LMNB2: variants seen among roughly 807,000 people sequenced by gnomAD.
LMNB2 encodes the protein lamin B2.
Under a neutral mutation model 69.3 loss-of-function variants are expected in LMNB2, and 17 were observed. That is an observed-to-expected ratio of 0.25 (90% CI 0.17 to 0.37). The LOEUF is 0.37. Ranked by LOEUF, LMNB2 falls within the 10% of genes least tolerant of loss-of-function variation. The pLI is 1.00. For missense variants in LMNB2, 789 were observed against 883.6 expected (o/e 0.89, Z 1.36); for synonymous variants, 397 against 389.3 (o/e 1.02, Z -0.23).
At chr19:2,452,707 CAG>C (rs2145474053) in intron 1 of LMNB2, among the ~76,000 whole-genome samples, 2 of 152,244 alleles carry the variant, frequency 1.3e-5, no homozygotes, top group South Asian at 4.1e-4. Context: ...GCCTGGGCGA[CAG>C]AGTGAGACTC....
Position 2,453,227 on chromosome 19 carries a change from C to A in LMNB2, c.264+3443G>T, listed in dbSNP as rs1345878310. Among the ~76,000 whole-genome samples, 1 of 152,128 alleles carries A rather than the reference C, an allele frequency of 6.6e-6. No homozygotes were observed. Among genetic ancestry groups the A allele is most frequent in the African/African-American group, 2.4e-5 (1 of 41,414 alleles). On this transcript the variant is annotated intron_variant, in intron 1 of 11. Coordinates refer to ENST00000325327, the MANE Select transcript of LMNB2 (RefSeq NM_032737.4). The surrounding 1 kb of genome is among the most constrained non-coding windows in gnomAD (Gnocchi z 4.4). ...GGCATGCCCAGCCTTGGCCAAGAGT[C>A]CCCTGGGGGCAGAAGCTGGCCAGGT...
At chr19:2,452,424 ACT>A (rs1478651846) in intron 1 of LMNB2, among the ~76,000 whole-genome samples, 3 of 148,894 alleles carry the variant, frequency 2.0e-5, no homozygotes, top group East Asian at 2.0e-4. Context: ...ACAGAGAGAG[ACT>A]CTGTCTAGAA....
rs1034361421 is a variant in LMNB2 at position 2,443,777 on chromosome 19, C to T, written c.401+627G>A. Among the ~76,000 whole-genome samples, 1 of 152,144 alleles carries T rather than the reference C, an allele frequency of 6.6e-6. No homozygotes were observed. The highest frequency in any genetic ancestry group is 2.4e-5 in the African/African-American group (1 of 41,432). On this transcript the variant is annotated intron_variant, in intron 2 of 11. Coordinates refer to ENST00000325327, the MANE Select transcript of LMNB2 (RefSeq NM_032737.4). This position sits in a 1 kb window ranked among gnomAD's most constrained non-coding sequence, Gnocchi z 6.2. ...GAATAAATATTCCTTTTGTCATCATCGTTCTGTTTAAATTGCCGCCCAACC... is the reference window on the plus strand; with the variant it reads ...GAATAAATATTCCTTTTGTCATCATTGTTCTGTTTAAATTGCCGCCCAACC...
In LMNB2 at chr19:2,429,201, C is replaced by T. The variant is rs928247940; in HGVS notation, c.*1710G>A. 2 of 152,298 alleles carry T rather than the reference C, an allele frequency of 1.3e-5. No individual in the cohort carries two copies. The highest frequency in any genetic ancestry group is 6.5e-5 in the Admixed American group (1 of 15,284). The allele number at this position is 152,298 out of a possible 1,614,324, so 9.4% of individuals were successfully genotyped here. ...AACCCTCGCTAGCACGAAGCCCAGC[C>T]AGTCGGGTCCGGGTGATTCCTGCTA... is the stretch of plus-strand genomic sequence containing the variant. On this transcript the variant is annotated 3_prime_UTR_variant, in exon 12 of 12. Coordinates refer to ENST00000325327, the MANE Select transcript of LMNB2 (RefSeq NM_032737.4).
chr19:2,444,312 G>C, intron 2 of LMNB2, 92 bp downstream of exon 2: 1 of 1,458,824 alleles, frequency 6.9e-7, no homozygotes, highest in Non-Finnish European at 9.5e-7. Context: ...CCGTATCAGA[G>C]CATGCCCCGC....
chr19:2,435,797 A>G (rs991627568), intron 4 of LMNB2, among the ~76,000 whole-genome samples: 1 of 151,658 alleles, frequency 6.6e-6, no homozygotes, highest in African/African-American at 2.4e-5. Flanking sequence ...CAACCTGGGT[A>G]ACAAAGTGAG....
chr19:2,435,106 C>G lies in LMNB2; in HGVS notation c.750G>C (p.Gln250His), dbSNP rs758373595. Residue 250 changes from glutamine (Q) to histidine (H), a missense_variant, in exon 5 of 12, where the codon CAG becomes CAC. By Grantham distance (24) the Gln-to-His change is conservative (BLOSUM62 0). This residue lies in a region of LMNB2 where 609 missense variants were observed against 630.9 expected (regional missense o/e 0.97). Coordinates refer to ENST00000325327, the MANE Select transcript of LMNB2 (RefSeq NM_032737.4). ...CCTGTGCCATCTTGAAGTCGTACTC[C>G]TGCTGCCGGCTGCTGTCCACCTCCA... is the stretch of plus-strand genomic sequence containing the variant. ...RLVEVDSSRQ[Q>H]EYDFKMAQAL... is the part of the protein sequence containing the mutation. 56 of 1,608,764 alleles carry G rather than the reference C, an allele frequency of 3.5e-5. No homozygotes were observed. The highest frequency in any genetic ancestry group is 4.2e-5 in the Non-Finnish European group (50 of 1,179,764).
chr19:2,445,129 C>T (rs913183045), intron 1 of LMNB2, among the ~76,000 whole-genome samples: 7 of 152,074 alleles, frequency 4.6e-5, no homozygotes, highest in African/African-American at 7.2e-5. Context: ...GACAGCAACC[C>T]GGGGCCCTCC....
At chr19:2,438,074 C>T (rs905270946) in intron 4 of LMNB2, 89 bp downstream of exon 4, 157 of 1,588,720 alleles carry the variant, frequency 9.9e-5, no homozygotes, top group Non-Finnish European at 1.2e-4. Context: ...CCCGGCCACA[C>T]GGTGCCCTCA....
chr19:2,431,471 G>C (rs955057887), intron 11 of LMNB2, 77 bp downstream of exon 11: 19 of 1,586,084 alleles, frequency 1.2e-5, no homozygotes, highest in Non-Finnish European at 1.4e-5. Flanking sequence ...CGGCCAGCAC[G>C]CATGTGTATG....
rs1285847382 is a variant in LMNB2, at chr19:2,432,658, G to T, written c.1483-135C>A. 7.9e-6 allele frequency: 6 copies of T among 762,134 alleles called. No homozygotes were observed. The African/African-American group carries it at 1.0e-4, about 13-fold the overall frequency. The allele number at this position is 762,134 out of a possible 1,614,324, so 47.2% of individuals were successfully genotyped here. ...GGTCACCCCATTACCCCCATGCCCT[G>T]GTCATTCCAGTCACCTTGTCCCCTG... On this transcript the variant is annotated intron_variant, in intron 8 of 11. Coordinates refer to ENST00000325327, the MANE Select transcript of LMNB2 (RefSeq NM_032737.4).
chr19:2,432,037 C>T, intron 9 of LMNB2, 135 bp from the exon 10 acceptor site: 1 of 1,169,618 alleles, frequency 8.5e-7, no homozygotes, highest in South Asian at 1.5e-5. Flanking sequence ...CAGGCTTATC[C>T]AGGGTGATGG....
At position 2,434,896 on chromosome 19, in the gene LMNB2, C is replaced by T. The variant is rs1568202412; in HGVS notation, c.873G>A (p.Leu291=). Residue 291 remains leucine (L), a synonymous_variant, in exon 6 of 12, where the codon CTG becomes CTA. Coordinates refer to ENST00000325327, the MANE Select transcript of LMNB2 (RefSeq NM_032737.4). The part of the protein sequence containing the change: ...TYQAKLDSAK[L]SSDQNDKAAS... ...CCGCCTTGTCGTTCTGGTCAGAGCT[C>T]AGCTTGGCGCTGTCCAGCTGTGGGG... 4 of 1,605,032 alleles carry T rather than the reference C, an allele frequency of 2.5e-6. No individual in the cohort carries two copies. Among genetic ancestry groups the T allele is most frequent in the East Asian group, 2.2e-5 (1 of 44,812 alleles).
At position 2,434,051 on chromosome 19, in the gene LMNB2, C is replaced by G. The variant is rs748550246; in HGVS notation, c.1257G>C (p.Ser419=). ...TGGCGGACAAGCTGCCGCTGCTGCT[C>G]GAGGTGGCTCGTGAGACGGTGACGC... ...SSRVTVSRAT[S]SSSGSLSATG... is the part of the protein sequence containing the mutation. Residue 419 remains serine, a synonymous_variant, in exon 8 of 12, where the codon TCG becomes TCC. Coordinates refer to ENST00000325327, the MANE Select transcript of LMNB2 (RefSeq NM_032737.4). 5 of 1,600,104 alleles carry G rather than the reference C, an allele frequency of 3.1e-6. No homozygotes were observed. Among genetic ancestry groups the G allele is most frequent in the Non-Finnish European group, 4.3e-6 (5 of 1,174,740 alleles).
rs775811254 is a variant in LMNB2, at chr19:2,432,430, C to G, written c.1576G>C (p.Gly526Arg). 1.2e-6 allele frequency: 2 copies of G among 1,612,890 alleles called. No homozygotes were observed. The highest frequency in any genetic ancestry group is 1.7e-6 in the Non-Finnish European group (2 of 1,179,868). The change falls in exon 9 of 12, where the codon GGC becomes CGC. Residue 526 changes from glycine to arginine, a missense_variant. Physicochemically the swap from Gly to Arg is moderately radical, Grantham distance 125. Transcript: ENST00000325327. Reference sequence around the variant, plus strand: ...CCACCACCTACCGTGACCATCTGGCCGGCGCGCAGGATGTACTTGGGCGTG... The same window carrying G: ...CCACCACCTACCGTGACCATCTGGCGGGCGCGCAGGATGTACTTGGGCGTG... ...KFTPKYILRA[G>R]QMVTVWAAGA...
intron 8 of LMNB2, 58 bp downstream of exon 8, chr19:2,433,768 G>C: frequency 6.3e-7 from 1 of 1,590,164 alleles, no homozygotes; most frequent in East Asian, 2.3e-5. Context: ...CCCTGACCCT[G>C]GTCACCCCCA....
At chr19:2,432,289 GCT>G in intron 9 of LMNB2, 125 bp downstream of exon 9, 1 of 803,804 alleles carries the variant, frequency 1.2e-6, no homozygotes. Flanking sequence ...TGCGGCAGCC[GCT>G]CTGAGACGGT....
rs1242672005 is a variant in LMNB2, at chr19:2,443,319, G to A, written c.401+1085C>T. 6.6e-6 allele frequency among the ~76,000 whole-genome samples: 1 copy of A among 152,232 alleles called. No individual in the cohort carries two copies. The highest frequency in any genetic ancestry group is 2.4e-5 in the African/African-American group (1 of 41,462). ...GGGAAGTCAGCTCTCCACGGGAGCA[G>A]CGCCAGCCCAGGAAGGAGGAGGGCG... On this transcript the variant is annotated intron_variant, in intron 2 of 11. Coordinates refer to ENST00000325327, the MANE Select transcript of LMNB2 (RefSeq NM_032737.4). The surrounding 1 kb of genome is among the most constrained non-coding windows in gnomAD (Gnocchi z 6.2).
chr19:2,446,915 C>A (rs1053902755), intron 1 of LMNB2, among the ~76,000 whole-genome samples: 6 of 152,034 alleles, frequency 3.9e-5, no homozygotes, highest in African/African-American at 1.4e-4. Context: ...CCGAGGCGGG[C>A]GGATCACAAG....
Sources: gnomAD v4.1 joint callset for allele counts (sites outside exome capture counted in the v4.1 genomes callset) on GRCh38, gnomAD v4.1.1 for gene constraint, gnomAD v4.1.1 regional missense constraint, Gnocchi (gnomAD v3.1) non-coding constraint, MANE v1.5 for transcripts, NCBI Gene and HGNC (gene_info 2026-07-23, HGNC 2026-07-21) for gene names.